MAK: variants seen among roughly 807,000 people sequenced by gnomAD.
The protein encoded by MAK is male germ cell associated kinase, also known as serine/threonine-protein kinase MAK.
A neutral mutation model predicts 82.6 loss-of-function variants in MAK; 65 were observed. That is an observed-to-expected ratio of 0.79 (90% CI 0.64 to 0.97). The LOEUF is 0.97. Ranked by LOEUF, MAK falls within the 50% of genes least tolerant of loss-of-function variation. The pLI, the probability that MAK is intolerant of heterozygous loss-of-function variation, is 0.00. For missense variants in MAK, 703 were observed against 780.2 expected (o/e 0.90, Z 1.18); for synonymous variants, 250 against 274.2 (o/e 0.91, Z 0.87).
chr6:10,773,906 G>A lies in MAK; in HGVS notation c.1598-798C>T, dbSNP rs1773234860. ...AGTAGAGACAGGGTTTCACCATGTT[G>A]GTCAGGCGGGTCTCGAACTCCGGAC... On this transcript the variant is annotated intron_variant, in intron 12 of 14. Transcript: ENST00000354489. Among the ~76,000 whole-genome samples, 4 of 151,964 alleles carry A rather than the reference G, an allele frequency of 2.6e-5. No homozygotes were observed. The South Asian group carries it at 8.3e-4, about 32-fold the overall frequency.
chr6:10,773,214 C>T (rs2127516130), intron 12 of MAK, 106 bp from the exon 13 acceptor site: 1 of 613,468 alleles, frequency 1.6e-6, no homozygotes, highest in Admixed American at 3.3e-5. Context: ...CAGAAAGAGC[C>T]CTTAAAAATG....
At chr6:10,830,306 C>G (rs1030922974) in intron 2 of MAK, among the ~76,000 whole-genome samples, 1 of 151,612 alleles carries the variant, frequency 6.6e-6, no homozygotes, top group African/African-American at 2.4e-5. Context: ...GCTGGGATTA[C>G]AGGCGCGTGC....
Position 10,764,332 on chromosome 6 carries a change from C to G in MAK, c.*120G>C, listed in dbSNP as rs536214552. ...GGATGATTTTTGCCCTTCCAAGTAC[C>G]CACTTTTGCATATTTCTTCCAGAAC... On this transcript the variant is annotated 3_prime_UTR_variant, in exon 15 of 15. Coordinates refer to ENST00000354489, the MANE Select transcript of MAK (RefSeq NM_001242957.3). 9.1e-7 allele frequency: 1 copy of G among 1,102,512 alleles called. No individual in the cohort carries two copies. 68.3% of individuals were successfully genotyped at this position (1,102,512 alleles called of 1,614,324 possible).
intron 6 of MAK, among the ~76,000 whole-genome samples, chr6:10,806,060 G>A (rs1776417076): frequency 6.6e-6 from 1 of 152,174 alleles, no homozygotes; most frequent in African/African-American, 2.4e-5. Context: ...TTCTTTTTCA[G>A]GCAAGATGAA....
At chr6:10,780,190 A>G in intron 11 of MAK, 1 of 886,278 alleles carries the variant, frequency 1.1e-6, no homozygotes, top group Non-Finnish European at 1.4e-6. Flanking sequence ...AATTCTTTGT[A>G]ATTGAGTTTA....
In MAK at chr6:10,793,974, G is replaced by A. The variant is rs1775302614; in HGVS notation, c.1143+2024C>T. Among the ~76,000 whole-genome samples the A allele has an allele frequency of 6.6e-6, 1 of 152,148 alleles. No homozygotes were observed. Among genetic ancestry groups the A allele is most frequent in the Non-Finnish European group, 1.5e-5 (1 of 68,030 alleles). On this transcript the variant is annotated intron_variant, in intron 9 of 14. Transcript: ENST00000354489. The surrounding 1 kb of genome is among the most constrained non-coding windows in gnomAD (Gnocchi z 4.6). ...CTAAGTGGAAAGCAAGATGAGAGGG[G>A]ACTTAAAGACACATTCATAATAGGA...
chr6:10,764,163 G>T lies in MAK; in HGVS notation c.*289C>A. The T allele has an allele frequency of 3.0e-6, 1 of 329,906 alleles. No individual in the cohort carries two copies. 20.4% of individuals were successfully genotyped at this position (329,906 alleles called of 1,614,324 possible). ...TGTTTTTTTTTAAGGGTTCTTATTG[G>T]ATTTACTATTTATTAAATTGTAGAT... On this transcript the variant is annotated 3_prime_UTR_variant, in exon 15 of 15. Coordinates refer to ENST00000354489, the MANE Select transcript of MAK (RefSeq NM_001242957.3).
rs781639259 is a variant in MAK, at chr6:10,830,690, T to C, written c.-42A>G. ...AGCAGAAGTTGTTGATTGAAATGAC[T>C]TCCTTGTTGAATATAAATTTGAACG... On this transcript the variant is annotated 5_prime_UTR_variant, in exon 2 of 15. Coordinates refer to ENST00000354489, the MANE Select transcript of MAK (RefSeq NM_001242957.3). The C allele has an allele frequency of 7.7e-6, 11 of 1,437,764 alleles. No homozygotes were observed. The highest frequency in any genetic ancestry group is 1.1e-5 in the Non-Finnish European group (11 of 1,019,368). 89.1% of individuals were successfully genotyped at this position (1,437,764 alleles called of 1,614,324 possible). A position where few individuals can be genotyped will look rare whatever the true frequency, so the allele number is the denominator to read the frequency against.
At chr6:10,771,454 A>C (rs916238732) in intron 13 of MAK, among the ~76,000 whole-genome samples, 2 of 152,238 alleles carry the variant, frequency 1.3e-5, no homozygotes, top group Non-Finnish European at 2.9e-5. Context: ...GGCAGGAAGC[A>C]GACTGAAGAC....
At chr6:10,778,802 G>A (rs1351809801) in intron 11 of MAK, among the ~76,000 whole-genome samples, 2 of 151,972 alleles carry the variant, frequency 1.3e-5, no homozygotes, top group Non-Finnish European at 1.5e-5. Context: ...ATAATGAATG[G>A]GAAGAGAGAA....
At chr6:10,795,856 C>T in intron 9 of MAK, 142 bp downstream of exon 9, 1 of 851,832 alleles carries the variant, frequency 1.2e-6, no homozygotes, top group Non-Finnish European at 1.9e-6. Context: ...GATCTCATGT[C>T]AAGCTCCAAC....
chr6:10,808,756 G>A, intron 6 of MAK, 54 bp downstream of exon 6: 2 of 1,564,082 alleles, frequency 1.3e-6, no homozygotes, highest in Non-Finnish European at 1.8e-6. Context: ...ATCCATCGTA[G>A]GAAAATTTCA....
intron 7 of MAK, among the ~76,000 whole-genome samples, chr6:10,802,775 C>T (rs1052661520): frequency 6.6e-6 from 1 of 152,184 alleles, no homozygotes; most frequent in African/African-American, 2.4e-5. Flanking sequence ...GTTAAAAATG[C>T]ACATATCTGG....
chr6:10,799,491 C>G (rs61650753), intron 8 of MAK, among the ~76,000 whole-genome samples: 1 of 152,108 alleles, frequency 6.6e-6, no homozygotes, highest in Non-Finnish European at 1.5e-5. Flanking sequence ...TGGTGGCTCA[C>G]GCCTATATTA....
In MAK at chr6:10,790,666, G is replaced by A. The variant is rs544886353; in HGVS notation, c.1316+1009C>T. Among the ~76,000 whole-genome samples, 9 of 152,290 alleles carry A rather than the reference G, an allele frequency of 5.9e-5. No individual in the cohort carries two copies. The South Asian group carries it at 1.7e-3, about 28-fold the overall frequency. On this transcript the variant is annotated intron_variant, in intron 10 of 14. Coordinates refer to ENST00000354489, the MANE Select transcript of MAK (RefSeq NM_001242957.3). ...CACGTGGTGCTCTACTTCCTGCAAC[G>A]AGGCATGTCAATTTCAAATGGGAAT...
In MAK at chr6:10,793,211, C is replaced by CA. The variant is rs908413950; in HGVS notation, c.1144-1365dup. 2.6e-5 allele frequency among the ~76,000 whole-genome samples: 4 copies of CA among 152,118 alleles called. No individual in the cohort carries two copies. The highest frequency in any genetic ancestry group is 9.7e-5 in the African/African-American group (4 of 41,432). On this transcript the variant is annotated intron_variant, in intron 9 of 14. Coordinates refer to ENST00000354489, the MANE Select transcript of MAK (RefSeq NM_001242957.3). The surrounding 1 kb of genome is among the most constrained non-coding windows in gnomAD (Gnocchi z 4.6). ...ATAGACCACACTTTTTCATAAAAGG[C>CA]AAACAATGAATTCATTCAGTGTAGT...
intron 14 of MAK, among the ~76,000 whole-genome samples, chr6:10,766,652 G>C (rs1772459759): frequency 1.3e-5 from 2 of 152,172 alleles, no homozygotes; most frequent in African/African-American, 4.8e-5. Context: ...TGGGCCACAG[G>C]TCAAACTGGT....
At chr6:10,803,695 G>C (rs770256908) in intron 7 of MAK, 25 bp downstream of exon 7, 1 of 1,596,902 alleles carries the variant, frequency 6.3e-7, no homozygotes, top group Non-Finnish European at 8.6e-7. Context: ...AAAAGTTATA[G>C]CAACTTAGGG....
At chr6:10,835,945 A>G (rs540772682) in intron 1 of MAK, among the ~76,000 whole-genome samples, 61 of 152,352 alleles carry the variant, frequency 4.0e-4, no homozygotes, top group African/African-American at 1.4e-3. Context: ...CACCAGCACT[A>G]TCAGCACAAT....
Sources: allele counts gnomAD v4.1 joint callset (sites outside exome capture counted in the v4.1 genomes callset), GRCh38; gene constraint gnomAD v4.1.1; non-coding constraint Gnocchi (gnomAD v3.1); transcripts MANE v1.5; gene names NCBI Gene and HGNC (gene_info 2026-07-23, HGNC 2026-07-21).